TFR2: variants seen among roughly 807,000 people sequenced by gnomAD.
TFR2 encodes the protein transferrin receptor 2.
A neutral mutation model predicts 91.9 loss-of-function variants in TFR2; 64 were observed. That is an observed-to-expected ratio of 0.70 (90% CI 0.57 to 0.86). The LOEUF is 0.86. Among genes scored for constraint, TFR2 ranks in the 40% least tolerant of loss-of-function variants. The probability of loss-of-function intolerance (pLI) is 0.00; values close to 1 mark genes in which losing one functional copy is unlikely to be tolerated. For synonymous variants in TFR2, 454 were observed against 459.6 expected (o/e 0.99, Z 0.15); for missense variants, 950 against 1,080.5 (o/e 0.88, Z 1.69).
rs974306727 is a variant in TFR2, at chr7:100,620,535, G to C, written c.*322C>G. 1 of 301,972 alleles carries C rather than the reference G, an allele frequency of 3.3e-6. No homozygotes were observed. Among genetic ancestry groups the C allele is most frequent in the African/African-American group, 2.1e-5 (1 of 46,926 alleles). The allele number at this position is 301,972 out of a possible 1,614,324, so 18.7% of individuals were successfully genotyped here. ...TCTCTCCCACTAACAGAGCTGGCCAGGTCCCAGGGCCTAGCAAACCTCCCA... is the reference window on the plus strand; with the variant it reads ...TCTCTCCCACTAACAGAGCTGGCCACGTCCCAGGGCCTAGCAAACCTCCCA... On this transcript the variant is annotated 3_prime_UTR_variant, in exon 18 of 18. Coordinates refer to ENST00000223051, the MANE Select transcript of TFR2 (RefSeq NM_003227.4).
rs1803700065 is a variant in TFR2, at chr7:100,641,492, AC to A, written c.17del (p.Gly6ValfsTer51). 1.2e-5 allele frequency: 19 copies of A among 1,613,430 alleles called. No individual in the cohort carries two copies. The highest frequency in any genetic ancestry group is 1.6e-5 in the Non-Finnish European group (19 of 1,179,846). On this transcript the variant is annotated frameshift_variant, in exon 1 of 18. Coordinates refer to ENST00000223051, the MANE Select transcript of TFR2 (RefSeq NM_003227.4). LOFTEE classifies it high-confidence loss of function. ...CTAGTCTTACCGCTCTCTGGAATAG[AC>A]CCCAAAGCCGCTCCATGCTTGTGTC... is the stretch of plus-strand genomic sequence containing the variant. MERLW[G>X]LFQRAQQLSP...
chr7:100,629,987 G>A (rs1325351358), intron 9 of TFR2, among the ~76,000 whole-genome samples: 3 of 151,926 alleles, frequency 2.0e-5, no homozygotes, highest in African/African-American at 4.8e-5. Context: ...CTCATGATCC[G>A]CCCACCTCGG....
chr7:100,624,603 C>A lies in TFR2; in HGVS notation c.2136+2160G>T, dbSNP rs530030210. ...TACAAAAACAGGGAGCAGAGGCTCA[C>A]GCCTGTAATCCCAGCACCTTGGGAA... On this transcript the variant is annotated intron_variant, in intron 17 of 17. Coordinates refer to ENST00000223051, the MANE Select transcript of TFR2 (RefSeq NM_003227.4). Among the ~76,000 whole-genome samples the A allele has an allele frequency of 1.6e-4, 25 of 152,296 alleles. No individual in the cohort carries two copies. In the East Asian group the frequency reaches 4.6e-3, roughly 28 times the overall value.
chr7:100,620,699 G>T lies in TFR2; in HGVS notation c.*158C>A. On this transcript the variant is annotated 3_prime_UTR_variant, in exon 18 of 18. Coordinates refer to ENST00000223051, the MANE Select transcript of TFR2 (RefSeq NM_003227.4). ...AGGGCTGGGGTGTGTGGATATCTGT[G>T]CTGGGGTCTGGGCTCCGTGGAGAGA... 1.0e-6 allele frequency: 1 copy of T among 982,742 alleles called. No homozygotes were observed. Among genetic ancestry groups the T allele is most frequent in the Non-Finnish European group, 1.5e-6 (1 of 655,878 alleles). 60.9% of individuals were successfully genotyped at this position (982,742 alleles called of 1,614,324 possible).
intron 17 of TFR2, among the ~76,000 whole-genome samples, chr7:100,623,902 A>AAT (rs1803183076): frequency 6.6e-6 from 1 of 150,432 alleles, no homozygotes; most frequent in Non-Finnish European, 1.5e-5. Flanking sequence ...AAAAAAAAAA[A>AAT]AAAAAAAATT....
Position 100,621,124 on chromosome 7 carries a change from C to T in TFR2, c.2139G>A (p.Val713=), listed in dbSNP as rs764813037. The change falls in exon 18 of 18, where the codon GTG becomes GTA. Residue 713 remains valine (V), a splice_region_variant and synonymous_variant. Coordinates refer to ENST00000223051, the MANE Select transcript of TFR2 (RefSeq NM_003227.4). ...TRMYNVRIMR[V]EFYFLSQYVS... is the part of the protein sequence containing the mutation. ...CGTACTGGGAAAGGAAGTAGAACTC[C>T]ACCTGCGCAGAGAGGGGGATCAGGT... The T allele has an allele frequency of 9.2e-6, 14 of 1,515,316 alleles. No homozygotes were observed. Among genetic ancestry groups the T allele is most frequent in the Non-Finnish European group, 1.1e-5 (12 of 1,123,758 alleles). 93.9% of individuals were successfully genotyped at this position (1,515,316 alleles called of 1,614,324 possible). A position where few individuals can be genotyped will look rare whatever the true frequency, so the allele number is the denominator to read the frequency against.
At chr7:100,631,549 G>A (rs566866067) in intron 8 of TFR2, 10 of 398,290 alleles carry the variant, frequency 2.5e-5, no homozygotes, top group Middle Eastern at 1.5e-3. Context: ...ACTTGAACCC[G>A]GGAGGTGGAG....
intron 3 of TFR2, among the ~76,000 whole-genome samples, chr7:100,638,431 G>C (rs530548625): frequency 6.6e-6 from 1 of 151,688 alleles, no homozygotes; most frequent in South Asian, 2.1e-4. Flanking sequence ...GGGCAACATA[G>C]GGAGACCTCG....
intron 8 of TFR2, chr7:100,631,367 A>G: frequency 5.7e-6 from 1 of 175,324 alleles, no homozygotes. Context: ...GGTGGCTCAC[A>G]CCTGTAATCC....
At chr7:100,638,282 T>C (rs935111665) in intron 3 of TFR2, among the ~76,000 whole-genome samples, 2 of 150,096 alleles carry the variant, frequency 1.3e-5, no homozygotes, top group Admixed American at 6.6e-5. Context: ...GGATTACAGG[T>C]GTGAGCCACC....
chr7:100,627,972 C>T lies in TFR2; in HGVS notation c.1540G>A (p.Asp514Asn), dbSNP rs376719507. The T allele has an allele frequency of 1.2e-5, 19 of 1,613,888 alleles. No individual in the cohort carries two copies. Among genetic ancestry groups the T allele is most frequent in the Non-Finnish European group, 1.5e-5 (18 of 1,179,930 alleles). Residue 514 changes from aspartate (D) to asparagine (N), a missense_variant and splice_region_variant, in exon 13 of 18, where the codon GAT becomes AAT. Physicochemically the swap from Asp to Asn is conservative, Grantham distance 23. Coordinates refer to ENST00000223051, the MANE Select transcript of TFR2 (RefSeq NM_003227.4). ...CTGGTCTTGGCATGAAACTTGTCAT[C>T]CCCTGGAAAAAGGGGAGGGGAGGGA... ...YVSLDNAVLG[D>N]DKFHAKTSPL...
At chr7:100,627,704 C>T in intron 14 of TFR2, 40 bp downstream of exon 14, 2 of 1,613,988 alleles carry the variant, frequency 1.2e-6, no homozygotes, top group Non-Finnish European at 8.5e-7. Context: ...TTCAGGCTCC[C>T]CCACATCCCT....
chr7:100,625,377 C>T (rs929223270), intron 17 of TFR2, among the ~76,000 whole-genome samples: 4 of 152,070 alleles, frequency 2.6e-5, no homozygotes, highest in African/African-American at 7.2e-5. Context: ...GCATCTTACA[C>T]GCAGGTCCCT....
At chr7:100,640,527 C>T (rs1803675192) in intron 3 of TFR2, 159 bp downstream of exon 3, 2 of 793,784 alleles carry the variant, frequency 2.5e-6, no homozygotes, top group Non-Finnish European at 3.9e-6. Flanking sequence ...GCCTGCCATC[C>T]TTCCCAGGAC....
chr7:100,629,213 C>G (rs542021739), intron 10 of TFR2, 40 bp downstream of exon 10: 9 of 1,611,974 alleles, frequency 5.6e-6, no homozygotes, highest in Admixed American at 1.7e-5. Flanking sequence ...ACAGGCCCAC[C>G]GCTGCCTAGC....
At position 100,630,959 on chromosome 7, in the gene TFR2, C is replaced by T; in HGVS notation, c.1200G>A (p.Val400=). ...GGGTGGAGGTCCTGTGATTGTTGAC[C>T]ACTAGCCGCAGTCGTGGCCCGGGGC... is the stretch of plus-strand genomic sequence containing the variant. ...HLGPGPRLRL[V]VNNHRTSTPI... is the part of the protein sequence containing the mutation. The change falls in exon 9 of 18, where the codon GTG becomes GTA. Residue 400 remains valine (V), a synonymous_variant. Transcript: ENST00000223051. The T allele has an allele frequency of 6.2e-7, 1 of 1,613,128 alleles. No individual in the cohort carries two copies. Among genetic ancestry groups the T allele is most frequent in the Non-Finnish European group, 8.5e-7 (1 of 1,179,862 alleles).
chr7:100,627,016 A>C, intron 16 of TFR2, 113 bp from the exon 17 acceptor site: 1 of 1,153,536 alleles, frequency 8.7e-7, no homozygotes, highest in Non-Finnish European at 1.2e-6. Context: ...CCCTGGCCGC[A>C]GGAGGGAGGA....
At position 100,627,987 on chromosome 7, in the gene TFR2, G is replaced by GA; in HGVS notation, c.1538-14dup. The GA allele has an allele frequency of 6.2e-7, 1 of 1,614,098 alleles. No homozygotes were observed. The highest frequency in any genetic ancestry group is 1.3e-5 in the African/African-American group (1 of 75,034). On this transcript the variant is annotated splice_polypyrimidine_tract_variant and intron_variant, in intron 12 of 17. Coordinates refer to ENST00000223051, the MANE Select transcript of TFR2 (RefSeq NM_003227.4). ...AACTTGTCATCCCCTGGAAAAAGGG[G>GA]AGGGGAGGGATGCCAGGCTCAGGGC...
At chr7:100,639,554 T>C (rs1803649486) in intron 3 of TFR2, among the ~76,000 whole-genome samples, 1 of 150,838 alleles carries the variant, frequency 6.6e-6, no homozygotes, top group South Asian at 2.1e-4. Context: ...CTTAAATTCA[T>C]GTCCTCTCAA....
Sources: allele counts gnomAD v4.1 joint callset (sites outside exome capture counted in the v4.1 genomes callset), GRCh38; gene constraint gnomAD v4.1.1; transcripts MANE v1.5; gene names NCBI Gene and HGNC (gene_info 2026-07-23, HGNC 2026-07-21).